Variants in GALNTL6 observed in about 807,000 individuals in gnomAD.
The protein encoded by GALNTL6 is polypeptide N-acetylgalactosaminyltransferase-like 6.
GALNTL6 carries 46 observed loss-of-function variants against 73.7 expected under a neutral mutation model. That is an observed-to-expected ratio of 0.62 (90% CI 0.49 to 0.80). The LOEUF is 0.80. GALNTL6 is among the 30% of genes least tolerant of loss of function. GALNTL6 has a pLI of 0.00. For synonymous variants in GALNTL6, 259 were observed against 263.7 expected (o/e 0.98, Z 0.17); for missense variants, 604 against 755.0 (o/e 0.80, Z 2.34).
At chr4:172,733,110 G>A (rs1380660900) in intron 5 of GALNTL6, among the ~76,000 whole-genome samples, 3 of 152,116 alleles carry the variant, frequency 2.0e-5, no homozygotes, top group African/African-American at 7.2e-5. Context: ...CTTGCAAAAC[G>A]GGTCTGTTGG....
chr4:171,965,810 G>A (rs1006572739), intron 2 of GALNTL6, among the ~76,000 whole-genome samples: 1 of 152,102 alleles, frequency 6.6e-6, no homozygotes, highest in Non-Finnish European at 1.5e-5. Context: ...TGGTGTTCAG[G>A]AATAAGTTCA....
intron 2 of GALNTL6, among the ~76,000 whole-genome samples, chr4:172,147,040 G>A (rs1216626884): frequency 1.3e-5 from 2 of 152,082 alleles, no homozygotes; most frequent in African/African-American, 4.8e-5. Flanking sequence ...TCATAATAGA[G>A]GACATGTGTT....
chr4:172,141,731 G>T (rs970190643), intron 2 of GALNTL6, among the ~76,000 whole-genome samples: 4 of 151,954 alleles, frequency 2.6e-5, no homozygotes, highest in Non-Finnish European at 5.9e-5. Context: ...AATTAAAAAT[G>T]AAAAAGATGA....
intron 5 of GALNTL6, 57 bp downstream of exon 5, chr4:172,348,746 AGGACTTTTT>A: frequency 8.4e-7 from 1 of 1,189,234 alleles, no homozygotes; most frequent in African/African-American, 1.5e-5. Context: ...ATAATCATTA[AGGACTTTTT>A]AAAAAAGACA....
intron 5 of GALNTL6, among the ~76,000 whole-genome samples, chr4:172,761,867 A>T (rs1174481070): frequency 6.6e-6 from 1 of 152,200 alleles, no homozygotes; most frequent in Non-Finnish European, 1.5e-5. Flanking sequence ...GTAGTTCTTC[A>T]TAGCAGTGTG....
intron 5 of GALNTL6, among the ~76,000 whole-genome samples, chr4:172,746,390 CA>C (rs1260736659): frequency 2.6e-5 from 4 of 151,892 alleles, no homozygotes; most frequent in African/African-American, 9.7e-5. Context: ...TATTAGTAAC[CA>C]AAGTATGAAA....
intron 2 of GALNTL6, among the ~76,000 whole-genome samples, chr4:172,130,682 A>G (rs1733464428): frequency 6.6e-6 from 1 of 152,136 alleles, no homozygotes; most frequent in Non-Finnish European, 1.5e-5. Context: ...AGAAACTGTT[A>G]GGTTTTAAAA....
intron 9 of GALNTL6, among the ~76,000 whole-genome samples, chr4:172,944,892 C>T (rs1453643516): frequency 1.3e-5 from 2 of 151,510 alleles, no homozygotes; most frequent in Non-Finnish European, 2.9e-5. Flanking sequence ...CCCGTCTCTA[C>T]TAAAAAAAAT....
chr4:171,959,925 T>C (rs1159554134), intron 2 of GALNTL6, among the ~76,000 whole-genome samples: 1 of 152,208 alleles, frequency 6.6e-6, no homozygotes, highest in Non-Finnish European at 1.5e-5. Flanking sequence ...TAGTCAGAGC[T>C]TAAAAAGAAT....
chr4:172,052,506 A>G (rs1730904625), intron 2 of GALNTL6: 5 of 1,534,900 alleles, frequency 3.3e-6, no homozygotes, highest in Admixed American at 2.0e-5. Context: ...AGTGCAGACC[A>G]CGGAGTGCAT....
chr4:172,271,506 A>C (rs1738650007), intron 3 of GALNTL6, among the ~76,000 whole-genome samples: 1 of 152,130 alleles, frequency 6.6e-6, no homozygotes, highest in Non-Finnish European at 1.5e-5. Context: ...CATACATGTG[A>C]TGTGCATATG....
chr4:172,844,050 C>T (rs938756834), intron 7 of GALNTL6, among the ~76,000 whole-genome samples: 2 of 152,140 alleles, frequency 1.3e-5, no homozygotes, highest in Non-Finnish European at 2.9e-5. Context: ...CAAAGTGAGA[C>T]TCCGTCTTGA....
intron 2 of GALNTL6, among the ~76,000 whole-genome samples, chr4:172,006,038 T>A (rs763579640): frequency 6.6e-6 from 1 of 152,316 alleles, no homozygotes; most frequent in Middle Eastern, 3.4e-3. Context: ...GAGAATCTAG[T>A]TCCTCCAGCT....
rs999867886 is a variant in GALNTL6 at position 172,477,810 on chromosome 4, CTT to C, written c.553+129123_553+129124del. Among the ~76,000 whole-genome samples the C allele has an allele frequency of 1.7e-3, 261 of 152,198 alleles. 2 individuals are homozygous for C. Among genetic ancestry groups the C allele is most frequent in the African/African-American group, 6.1e-3 (255 of 41,540 alleles). ...TACTGAGGAGGAAACACAATTGACT[CTT>C]TAACGCTGTAAAAAAATCAGAGGTG... is the stretch of plus-strand genomic sequence containing the variant. On this transcript the variant is annotated intron_variant, in intron 5 of 12. Transcript: ENST00000506823.
At chr4:172,922,205 T>A (rs1224404377) in intron 8 of GALNTL6, among the ~76,000 whole-genome samples, 1 of 152,196 alleles carries the variant, frequency 6.6e-6, no homozygotes, top group African/African-American at 2.4e-5. Context: ...AGGCCTCCCC[T>A]GCCATGTGGA....
At chr4:172,260,046 T>G (rs1227212159) in intron 3 of GALNTL6, among the ~76,000 whole-genome samples, 2 of 151,744 alleles carry the variant, frequency 1.3e-5, no homozygotes, top group African/African-American at 4.8e-5. Context: ...GTGTTCTTTT[T>G]GCTTAGTCTT....
Position 172,757,988 on chromosome 4 carries a change from T to C in GALNTL6, c.554-51373T>C, listed in dbSNP as rs145880852. Among the ~76,000 whole-genome samples the C allele has an allele frequency of 5.3e-5, 8 of 152,292 alleles. No homozygotes were observed. The East Asian group carries it at 1.5e-3, about 29-fold the overall frequency. On this transcript the variant is annotated intron_variant, in intron 5 of 12. Coordinates refer to ENST00000506823, the MANE Select transcript of GALNTL6 (RefSeq NM_001034845.3). ...TGTTTTGGGATTAGCAAATAAACAT[T>C]ACACAGAAAGTTGAAGCATTGTTTT... is the stretch of plus-strand genomic sequence containing the variant.
chr4:172,761,415 A>T (rs1039981467), intron 5 of GALNTL6, among the ~76,000 whole-genome samples: 2 of 152,186 alleles, frequency 1.3e-5, no homozygotes, highest in Non-Finnish European at 2.9e-5. Context: ...ATTGAGTATG[A>T]TTTGGGATAA....
In GALNTL6 at chr4:172,938,455, T is replaced by C. The variant is rs564707693; in HGVS notation, c.1149+7187T>C. On this transcript the variant is annotated intron_variant, in intron 9 of 12. Transcript: ENST00000506823. ...GGCAAACGCAACTCGCCCTTGTTTA[T>C]GTCAGAAAAAGATATCAGCTGAGGA... 1.3e-3 allele frequency among the ~76,000 whole-genome samples: 203 copies of C among 152,348 alleles called. 2 individuals carry two copies. The highest frequency in any genetic ancestry group is 2.4e-3 in the Non-Finnish European group (160 of 68,034).
Sources: allele counts gnomAD v4.1 joint callset (sites outside exome capture counted in the v4.1 genomes callset), GRCh38; gene constraint gnomAD v4.1.1; transcripts MANE v1.5; gene names NCBI Gene and HGNC (gene_info 2026-07-23, HGNC 2026-07-21).